Variants in MEI4 observed in about 807,000 individuals in gnomAD.
MEI4 encodes meiosis-specific protein MEI4.
In MEI4, 27 loss-of-function variants were observed where a neutral mutation model predicts 31.4. The ratio of observed to expected loss-of-function variants is 0.86; its 90% CI spans 0.63 to 1.19. The LOEUF is 1.19. Ranked by LOEUF, MEI4 falls within the 50% of genes most tolerant of loss-of-function variation. The probability of loss-of-function intolerance (pLI) is 0.00; values close to 1 mark genes in which losing one functional copy is unlikely to be tolerated. For missense variants in MEI4, 329 were observed against 398.9 expected (o/e 0.82, Z 1.49); for synonymous variants, 122 against 145.4 (o/e 0.84, Z 1.16).
intron 2 of MEI4, among the ~76,000 whole-genome samples, chr6:77,707,028 T>A (rs1270229342): frequency 8.5e-6 from 1 of 118,144 alleles, no homozygotes; most frequent in East Asian, 2.3e-4. Context: ...AAAATGTGGA[T>A]GTGGTTTTGA....
At chr6:77,695,516 A>G (rs1374039430) in intron 2 of MEI4, among the ~76,000 whole-genome samples, 1 of 152,210 alleles carries the variant, frequency 6.6e-6, no homozygotes, top group Non-Finnish European at 1.5e-5. Flanking sequence ...TTTATTAAAT[A>G]GGGAATCCTT....
chr6:77,699,536 A>G (rs1475222223), intron 2 of MEI4, among the ~76,000 whole-genome samples: 1 of 152,150 alleles, frequency 6.6e-6, no homozygotes, highest in Non-Finnish European at 1.5e-5. Flanking sequence ...TTCCTCCTCT[A>G]GCTCGGAGTG....
intron 3 of MEI4, among the ~76,000 whole-genome samples, chr6:77,784,641 CAG>C (rs764495243): frequency 2.0e-5 from 3 of 152,112 alleles, no homozygotes; most frequent in Non-Finnish European, 4.4e-5. Flanking sequence ...AATTCAATCA[CAG>C]GGGTTATTAC....
intron 2 of MEI4, among the ~76,000 whole-genome samples, chr6:77,750,373 C>T (rs1301861875): frequency 6.6e-6 from 1 of 152,100 alleles, no homozygotes; most frequent in Admixed American, 6.5e-5. Context: ...ATTCAGGAGA[C>T]CCATCCCACA....
chr6:77,859,612 G>A (rs1273532726), intron 4 of MEI4, among the ~76,000 whole-genome samples: 6 of 152,120 alleles, frequency 3.9e-5, no homozygotes, highest in African/African-American at 1.4e-4. Flanking sequence ...TTTCTCTGAT[G>A]AGCAGTGATG....
rs985183609 is a variant in MEI4 at position 77,840,554 on chromosome 6, A to C, written c.900+11492A>C. 2.0e-5 allele frequency among the ~76,000 whole-genome samples: 3 copies of C among 152,122 alleles called. No individual in the cohort carries two copies. In the South Asian group the frequency reaches 6.2e-4, roughly 31 times the overall value. The stretch of plus-strand genomic sequence containing the variant: ...AACCTCACCCAAACACATCATCATA[A>C]ACTTCTTGAAAACTAAAGATAATTC... On this transcript the variant is annotated intron_variant, in intron 4 of 4. Coordinates refer to ENST00000684080, the MANE Select transcript of MEI4 (RefSeq NM_001322247.2).
chr6:77,809,257 G>C (rs895118262), intron 3 of MEI4, among the ~76,000 whole-genome samples: 1 of 152,102 alleles, frequency 6.6e-6, no homozygotes, highest in Non-Finnish European at 1.5e-5. Flanking sequence ...AAATGAACAG[G>C]GTCAAGTAAT....
At chr6:77,917,641 G>A (rs1323329375) in intron 4 of MEI4, among the ~76,000 whole-genome samples, 4 of 66,824 alleles carry the variant, frequency 6.0e-5, no homozygotes, top group Non-Finnish European at 1.0e-4. Context: ...AAATTTGTTT[G>A]AGTTCATTGT....
At chr6:77,749,400 C>G (rs192402279) in intron 2 of MEI4, among the ~76,000 whole-genome samples, 26 of 152,154 alleles carry the variant, frequency 1.7e-4, no homozygotes, top group African/African-American at 6.3e-4. Context: ...CTTACTAGAA[C>G]AGCAAGTTTA....
intron 3 of MEI4, among the ~76,000 whole-genome samples, chr6:77,823,243 A>G (rs1391098164): frequency 1.3e-5 from 2 of 152,176 alleles, no homozygotes; most frequent in Admixed American, 6.5e-5. Context: ...TATATTTTCT[A>G]TGTGAGTGAG....
At chr6:77,921,912 A>T (rs1228194422) in intron 4 of MEI4, among the ~76,000 whole-genome samples, 1 of 151,772 alleles carries the variant, frequency 6.6e-6, no homozygotes, top group Non-Finnish European at 1.5e-5. Flanking sequence ...GATCACTGTA[A>T]CAGATAAAGT....
rs138491884 is a variant in MEI4, at chr6:77,867,744, G to C, written c.900+38682G>C. On this transcript the variant is annotated intron_variant, in intron 4 of 4. Transcript: ENST00000684080. ...ATATACCCAAAGGATTATGAGTCAT[G>C]CTGCTATAAAGACACATGCACACGT... 8.0e-3 allele frequency among the ~76,000 whole-genome samples: 1,211 copies of C among 152,252 alleles called. 19 individuals carry two copies. The highest frequency in any genetic ancestry group is 0.028 in the African/African-American group (1,160 of 41,542).
In MEI4 at chr6:77,925,983, A is replaced by C. The variant is rs1337103337; in HGVS notation, c.*2637A>C. On this transcript the variant is annotated 3_prime_UTR_variant, in exon 5 of 5. Coordinates refer to ENST00000684080, the MANE Select transcript of MEI4 (RefSeq NM_001322247.2). ...AGGTACGATTATTTCCTGAATCTGT[A>C]TTTTAGAGATGAAGAACTCAGAACT... is the stretch of plus-strand genomic sequence containing the variant. The C allele has an allele frequency of 6.6e-6, 1 of 151,738 alleles. No homozygotes were observed. The highest frequency in any genetic ancestry group is 1.9e-4 in the East Asian group (1 of 5,140). The allele number at this position is 151,738 out of a possible 1,614,324, so 9.4% of individuals were successfully genotyped here.
Position 77,761,592 on chromosome 6 carries a change from A to T in MEI4, c.695A>T (p.Lys232Met). 5.7e-6 allele frequency: 7 copies of T among 1,232,016 alleles called. No individual in the cohort carries two copies. The highest frequency in any genetic ancestry group is 7.1e-6 in the Non-Finnish European group (7 of 987,844). 76.3% of individuals were successfully genotyped at this position (1,232,016 alleles called of 1,614,324 possible). A position where few individuals can be genotyped will look rare whatever the true frequency, so the allele number is the denominator to read the frequency against. ...AACTTATCTAGTCATATTCTTAAAA[A>T]GTGTTCCAAGAAGTTGGAAGAATTT... ...DYNLSSHILK[K>M]CSKKLEEFEK... The change falls in exon 3 of 5, where the codon AAG (lysine) becomes ATG (methionine). Residue 232 changes from lysine (K) to methionine (M), a missense_variant. Physicochemically the swap from Lys to Met is moderately conservative, Grantham distance 95. Coordinates refer to ENST00000684080, the MANE Select transcript of MEI4 (RefSeq NM_001322247.2).
At chr6:77,703,860 C>T (rs976614762) in intron 2 of MEI4, among the ~76,000 whole-genome samples, 13 of 152,086 alleles carry the variant, frequency 8.5e-5, no homozygotes, top group African/African-American at 3.1e-4. Context: ...TGATACACTT[C>T]CAGGTCATAT....
Position 77,923,383 on chromosome 6 carries a change from A to G in MEI4, c.*37A>G. ...AGCAATTTACCACGTTTGAAGCATA[A>G]TAAAGTAGAATATATGAAAATCTCA... On this transcript the variant is annotated 3_prime_UTR_variant, in exon 5 of 5. Transcript: ENST00000684080. The G allele has an allele frequency of 8.2e-7, 1 of 1,218,060 alleles. No homozygotes were observed. Among genetic ancestry groups the G allele is most frequent in the Non-Finnish European group, 1.0e-6 (1 of 975,964 alleles). 75.5% of individuals were successfully genotyped at this position (1,218,060 alleles called of 1,614,324 possible). A position where few individuals can be genotyped will look rare whatever the true frequency, so the allele number is the denominator to read the frequency against.
intron 2 of MEI4, among the ~76,000 whole-genome samples, chr6:77,699,343 C>T (rs1317441898): frequency 6.6e-6 from 1 of 151,852 alleles, no homozygotes. Flanking sequence ...GCGCCTGCCA[C>T]TACGCCCGGC....
intron 2 of MEI4, among the ~76,000 whole-genome samples, chr6:77,728,724 G>A (rs558516880): frequency 6.6e-6 from 1 of 152,296 alleles, no homozygotes; most frequent in East Asian, 1.9e-4. Context: ...TTGGTTTGAG[G>A]CAGAAAGTTC....
chr6:77,905,413 A>G (rs1766271384), intron 4 of MEI4, among the ~76,000 whole-genome samples: 1 of 148,996 alleles, frequency 6.7e-6, no homozygotes, highest in Non-Finnish European at 1.5e-5. Context: ...ATGTAATTAG[A>G]CACCTTTGCC....
Sources: allele counts gnomAD v4.1 joint callset (sites outside exome capture counted in the v4.1 genomes callset), GRCh38; gene constraint gnomAD v4.1.1; transcripts MANE v1.5; gene names NCBI Gene and HGNC (gene_info 2026-07-23, HGNC 2026-07-21).